The following KDM6A variants were observed in gnomAD, a reference collection of about 807,000 sequenced individuals.
KDM6A encodes lysine-specific demethylase 6A.
KDM6A carries 11 observed loss-of-function variants against 117.6 expected under a neutral mutation model. The observed-to-expected ratio is 0.09, with a 90% CI of 0.06 to 0.15. The LOEUF (loss-of-function observed/expected upper bound fraction) is 0.15, where lower values mean the gene tolerates loss of function less well. Ranked by LOEUF, KDM6A falls within the 10% of genes least tolerant of loss-of-function variation. The probability of loss-of-function intolerance (pLI) is 1.00; values close to 1 mark genes in which losing one functional copy is unlikely to be tolerated. For synonymous variants in KDM6A, 384 were observed against 396.1 expected (o/e 0.97, Z 0.36); for missense variants, 799 against 1,077.3 (o/e 0.74, Z 3.62).
intron 2 of KDM6A, among the ~76,000 whole-genome samples, chrX:44,926,075 C>T (rs1441340881): frequency 2.0e-5 from 2 of 102,122 alleles, no homozygotes; most frequent in Admixed American, 1.1e-4. Flanking sequence ...CTCCCTCCCT[C>T]CCTTCCTTGT....
chrX:44,983,190 CCTTTA>C (rs904459165), intron 4 of KDM6A, among the ~76,000 whole-genome samples: 37 of 111,359 alleles, frequency 3.3e-4, no homozygotes, highest in African/African-American at 1.2e-3. Context: ...TTATCTAATT[CCTTTA>C]CTTTATGGAC....
chrX:44,946,753 G>A lies in KDM6A; in HGVS notation c.226-14531G>A, dbSNP rs773477932. Reference sequence around the variant, plus strand: ...GAGTCCACTTTATTTTTTTTCTCCCGTTAGAAATAACTTGCAGGCTTGCCA... The same window carrying A: ...GAGTCCACTTTATTTTTTTTCTCCCATTAGAAATAACTTGCAGGCTTGCCA... On this transcript the variant is annotated intron_variant, in intron 2 of 29. Transcript: ENST00000611820. Among the ~76,000 whole-genome samples the A allele has an allele frequency of 1.9e-4, 21 of 108,178 alleles. 1 individual carries two copies. Among genetic ancestry groups the A allele is most frequent in the Non-Finnish European group, 3.8e-5 (2 of 52,313 alleles). 93.9% of individuals were successfully genotyped at this position (108,178 alleles called of 115,157 possible).
intron 3 of KDM6A, 50 bp downstream of exon 3, chrX:44,961,442 G>T (rs2038665765): frequency 1.2e-6 from 1 of 817,942 alleles, no homozygotes; most frequent in African/African-American, 2.0e-5. Context: ...GTGTTGGATT[G>T]TAATTATTTG....
intron 2 of KDM6A, among the ~76,000 whole-genome samples, chrX:44,949,763 C>G (rs1286790941): frequency 8.9e-6 from 1 of 111,950 alleles, no homozygotes; most frequent in Admixed American, 9.5e-5. Flanking sequence ...TTAATTTGAA[C>G]TACATATTTA....
At chrX:44,982,201 G>A (rs2147311350) in intron 4 of KDM6A, among the ~76,000 whole-genome samples, 1 of 111,999 alleles carries the variant, frequency 8.9e-6, no homozygotes. Context: ...TAACATGGAA[G>A]GATGGAGAAC....
intron 27 of KDM6A, among the ~76,000 whole-genome samples, chrX:45,092,206 C>T (rs1275815322): frequency 9.0e-6 from 1 of 110,896 alleles, no homozygotes; most frequent in Non-Finnish European, 1.9e-5. Flanking sequence ...TTTTTTGAAA[C>T]AAAAATGACC....
intron 17 of KDM6A, among the ~76,000 whole-genome samples, chrX:45,065,371 G>A (rs1031470954): frequency 8.9e-6 from 1 of 111,933 alleles, no homozygotes; most frequent in Non-Finnish European, 1.9e-5. Context: ...GCCTTATAAG[G>A]ATACTGGATT....
At chrX:44,887,480 T>C (rs1240326714) in intron 2 of KDM6A, among the ~76,000 whole-genome samples, 1 of 111,285 alleles carries the variant, frequency 9.0e-6, no homozygotes, top group South Asian at 3.8e-4. Context: ...AGAAAAGCTT[T>C]AGAACTACTG....
intron 2 of KDM6A, among the ~76,000 whole-genome samples, chrX:44,948,344 T>C (rs1409947780): frequency 8.9e-6 from 1 of 111,793 alleles, no homozygotes; most frequent in Non-Finnish European, 1.9e-5. Flanking sequence ...AGTACATTTG[T>C]TGGAGAACTT....
rs779128257 is a variant in KDM6A at position 45,041,410 on chromosome X, C to T, written c.654+3721C>T. Among the ~76,000 whole-genome samples, 9 of 97,878 alleles carry T rather than the reference C, an allele frequency of 9.2e-5. No homozygotes were observed. The East Asian group carries it at 1.4e-3, about 15-fold the overall frequency. The allele number at this position is 97,878 out of a possible 115,157, so 85.0% of individuals were successfully genotyped here. On this transcript the variant is annotated intron_variant, in intron 8 of 29. Coordinates refer to ENST00000611820, the MANE Select transcript of KDM6A (RefSeq NM_001291415.2). ...GGAGCCCCTCACCTCCCGGACGGGG[C>T]AGCTGGCCGGGCGGGGACTGACCCC...
intron 24 of KDM6A, among the ~76,000 whole-genome samples, chrX:45,085,585 C>T (rs1361739823): frequency 1.8e-5 from 2 of 111,683 alleles, no homozygotes; most frequent in African/African-American, 6.5e-5. Flanking sequence ...AATGACTAAG[C>T]CAAGGAGTCT....
Position 45,076,688 on chromosome X carries a change from T to G in KDM6A, c.2859-9T>G. 1.7e-6 allele frequency: 2 copies of G among 1,143,027 alleles called. No individual in the cohort carries two copies. The highest frequency in any genetic ancestry group is 3.7e-5 in the South Asian group (2 of 54,024). The allele number at this position is 1,143,027 out of a possible 1,213,427, so 94.2% of individuals were successfully genotyped here. The stretch of plus-strand genomic sequence containing the variant: ...GTACAACTGATTATCCCTTTTTTTT[T>G]TTTTCCAGGAATCTAGGTAAAAATG... On this transcript the variant is annotated splice_polypyrimidine_tract_variant and intron_variant, in intron 18 of 29. Transcript: ENST00000611820.
At position 45,069,476 on chromosome X, in the gene KDM6A, A is replaced by G. The variant is rs1183523149; in HGVS notation, c.2080-103A>G. Reference sequence around the variant, plus strand: ...GGACTTGGGTCAAATTATCTTATACAGTTAGATATTTATTTTTAGTGGCTT... The same window carrying G: ...GGACTTGGGTCAAATTATCTTATACGGTTAGATATTTATTTTTAGTGGCTT... On this transcript the variant is annotated intron_variant, in intron 17 of 29. Transcript: ENST00000611820. The G allele has an allele frequency of 3.9e-6, 3 of 762,289 alleles. No individual in the cohort carries two copies. The African/African-American group carries it at 6.4e-5, about 16-fold the overall frequency. The allele number at this position is 762,289 out of a possible 1,213,427, so 62.8% of individuals were successfully genotyped here. A position where few individuals can be genotyped will look rare whatever the true frequency, so the allele number is the denominator to read the frequency against.
At chrX:45,041,659 C>T (rs1240921137) in intron 8 of KDM6A, among the ~76,000 whole-genome samples, 1 of 110,789 alleles carries the variant, frequency 9.0e-6, no homozygotes, top group Non-Finnish European at 1.9e-5. Context: ...CGATGGGCGG[C>T]CGGGCAGAGA....
chrX:44,951,007 G>A (rs2037968869), intron 2 of KDM6A, among the ~76,000 whole-genome samples: 1 of 109,325 alleles, frequency 9.1e-6, no homozygotes, highest in Non-Finnish European at 1.9e-5. Flanking sequence ...TTTCTTTTAC[G>A]TGCCCATCTT....
At chrX:45,049,807 G>A (rs757610271) in intron 8 of KDM6A, among the ~76,000 whole-genome samples, 2 of 112,235 alleles carry the variant, frequency 1.8e-5, no homozygotes, top group South Asian at 3.7e-4. Flanking sequence ...CCTCTGAGAA[G>A]TATTATAATG....
chrX:44,873,482 G>C lies in KDM6A; in HGVS notation c.-70G>C. 1 of 1,186,791 alleles carries C rather than the reference G, an allele frequency of 8.4e-7. No individual in the cohort carries two copies. The highest frequency in any genetic ancestry group is 2.2e-5 in the Admixed American group (1 of 45,910). ...GGTGTGCTGGTCCCGCGCGCAGATT[G>C]GGGGCGTCACTGCGGGCCCCGGTCC... On this transcript the variant is annotated 5_prime_UTR_variant, in exon 1 of 30. Transcript: ENST00000611820.
At chrX:45,103,635 A>G (rs1268959751) in intron 27 of KDM6A, among the ~76,000 whole-genome samples, 1 of 112,162 alleles carries the variant, frequency 8.9e-6, no homozygotes, top group Non-Finnish European at 1.9e-5. Flanking sequence ...TTTTCATTCT[A>G]TTCCCTGTGT....
At chrX:44,925,572 C>A (rs1238071450) in intron 2 of KDM6A, among the ~76,000 whole-genome samples, 2 of 111,738 alleles carry the variant, frequency 1.8e-5, no homozygotes, top group East Asian at 5.6e-4. Context: ...TACAAAAGAA[C>A]AATTCGTAAT....
Sources: allele counts gnomAD v4.1 joint callset (sites outside exome capture counted in the v4.1 genomes callset), GRCh38; gene constraint gnomAD v4.1.1; transcripts MANE v1.5; gene names NCBI Gene and HGNC (gene_info 2026-07-23, HGNC 2026-07-21).